The following CSMD3 variants were observed in gnomAD, a reference collection of about 807,000 sequenced individuals.
CSMD3 encodes CUB and sushi domain-containing protein 3.
A neutral mutation model predicts 435.2 loss-of-function variants in CSMD3; 177 were observed. The ratio of observed to expected loss-of-function variants is 0.41; its 90% CI spans 0.36 to 0.46. CSMD3 has a LOEUF of 0.46. CSMD3 is among the 20% of genes least tolerant of loss of function. The pLI is 0.34. For synonymous variants in CSMD3, 1,656 were observed against 1,520.5 expected (o/e 1.09, Z -2.07); for missense variants, 4,265 against 4,504.6 (o/e 0.95, Z 1.52).
intron 6 of CSMD3, among the ~76,000 whole-genome samples, chr8:112,987,907 C>CT (rs2085312880): frequency 6.6e-6 from 1 of 151,636 alleles, no homozygotes; most frequent in African/African-American, 2.4e-5. Context: ...TGAAAGTACA[C>CT]CAAATGAAAA....
intron 13 of CSMD3, among the ~76,000 whole-genome samples, chr8:112,718,167 G>A (rs1357033096): frequency 6.6e-6 from 1 of 152,006 alleles, no homozygotes; most frequent in Non-Finnish European, 1.5e-5. Context: ...GCTCATGGTG[G>A]TTCTGGCTAT....
chr8:113,364,240 C>G (rs1272452815), intron 1 of CSMD3, among the ~76,000 whole-genome samples: 1 of 146,164 alleles, frequency 6.8e-6, no homozygotes, highest in Non-Finnish European at 1.5e-5. Flanking sequence ...AGGAATTAGA[C>G]TAAATTTTTT....
chr8:112,890,354 T>C (rs538172787), intron 10 of CSMD3, among the ~76,000 whole-genome samples: 16 of 151,866 alleles, frequency 1.1e-4, no homozygotes, highest in African/African-American at 3.9e-4. Flanking sequence ...AGTCTTGATA[T>C]GAGGACAGCC....
intron 22 of CSMD3, among the ~76,000 whole-genome samples, chr8:112,596,062 C>T (rs1831682457): frequency 6.6e-6 from 1 of 151,008 alleles, no homozygotes; most frequent in African/African-American, 2.4e-5. Flanking sequence ...TTAAAAGACA[C>T]AGACTGGCAA....
At chr8:112,931,492 TA>T (rs34728073) in intron 9 of CSMD3, among the ~76,000 whole-genome samples, 105 of 136,740 alleles carry the variant, frequency 7.7e-4, no homozygotes, top group Middle Eastern at 3.9e-3. Flanking sequence ...ATAAAACTAC[TA>T]AAAAAAAAAA....
intron 3 of CSMD3, among the ~76,000 whole-genome samples, chr8:113,195,292 A>G (rs1173662079): frequency 6.8e-6 from 1 of 146,250 alleles, no homozygotes; most frequent in African/African-American, 2.5e-5. Flanking sequence ...AATACATGTG[A>G]TGTTGAAGTC....
At chr8:113,100,160 A>G (rs192750297) in intron 4 of CSMD3, among the ~76,000 whole-genome samples, 3 of 152,248 alleles carry the variant, frequency 2.0e-5, no homozygotes, top group African/African-American at 7.2e-5. Flanking sequence ...ATTTACCTCC[A>G]TAATCTATAA....
intron 1 of CSMD3, among the ~76,000 whole-genome samples, chr8:113,375,953 T>C (rs1329417662): frequency 1.3e-5 from 2 of 152,188 alleles, no homozygotes; most frequent in Non-Finnish European, 1.5e-5. Flanking sequence ...TAGTCAAAAA[T>C]GGTGCTGTGT....
chr8:112,752,734 T>C (rs1357059003), intron 13 of CSMD3, among the ~76,000 whole-genome samples: 5 of 152,192 alleles, frequency 3.3e-5, no homozygotes, highest in Non-Finnish European at 7.3e-5. Context: ...TTAGTCAATA[T>C]ATATTCTCTA....
Position 112,472,523 on chromosome 8 carries a change from A to C in CSMD3, c.5395+68T>G, listed in dbSNP as rs1055858879. ...CACGTATTTTCATTTAAAATTTTTG[A>C]ATAGCATGTAGTGAAAAATAAAGCA... On this transcript the variant is annotated intron_variant, in intron 32 of 70. Transcript: ENST00000297405. The C allele has an allele frequency of 9.4e-6, 8 of 854,054 alleles. No homozygotes were observed. In the Admixed American group the frequency reaches 1.4e-4, roughly 15 times the overall value. 52.9% of individuals were successfully genotyped at this position (854,054 alleles called of 1,614,324 possible). A position where few individuals can be genotyped will look rare whatever the true frequency, so the allele number is the denominator to read the frequency against.
intron 1 of CSMD3, among the ~76,000 whole-genome samples, chr8:113,406,298 T>A (rs1049491110): frequency 2.0e-5 from 3 of 151,854 alleles, no homozygotes; most frequent in Non-Finnish European, 4.4e-5. Flanking sequence ...ATAAGGGCTG[T>A]GATAGATTTG....
At chr8:112,490,904 A>G (rs1820623818) in intron 31 of CSMD3, among the ~76,000 whole-genome samples, 2 of 152,132 alleles carry the variant, frequency 1.3e-5, no homozygotes, top group African/African-American at 4.8e-5. Context: ...CTTTGGAACA[A>G]TTAATCCCAA....
At chr8:112,337,434 G>T (rs975729240) in intron 43 of CSMD3, 109 bp downstream of exon 43, 2 of 836,324 alleles carry the variant, frequency 2.4e-6, no homozygotes, top group African/African-American at 1.7e-5. Context: ...TCAGCTGAGA[G>T]ACTATATATT....
At chr8:112,864,407 C>T (rs1157895422) in intron 10 of CSMD3, among the ~76,000 whole-genome samples, 1 of 151,904 alleles carries the variant, frequency 6.6e-6, no homozygotes, top group East Asian at 1.9e-4. Flanking sequence ...CGCCACCATG[C>T]CCGGTTCATT....
At chr8:113,357,239 T>C (rs908093235) in intron 1 of CSMD3, among the ~76,000 whole-genome samples, 4 of 152,222 alleles carry the variant, frequency 2.6e-5, no homozygotes, top group African/African-American at 7.2e-5. Flanking sequence ...TTATATTGTT[T>C]AGCCCTTTCA....
chr8:112,994,033 G>A (rs1366358821), intron 6 of CSMD3, among the ~76,000 whole-genome samples: 1 of 151,764 alleles, frequency 6.6e-6, no homozygotes, highest in African/African-American at 2.4e-5. Flanking sequence ...ATGGGTTGTA[G>A]AGAGGCAATA....
intron 9 of CSMD3, among the ~76,000 whole-genome samples, chr8:112,935,091 G>A (rs1351966516): frequency 6.6e-6 from 1 of 151,958 alleles, no homozygotes; most frequent in Non-Finnish European, 1.5e-5. Context: ...GTGAGATAAG[G>A]GTCTAGTTTC....
intron 49 of CSMD3, among the ~76,000 whole-genome samples, chr8:112,312,272 G>T (rs1407743787): frequency 1.3e-5 from 2 of 151,928 alleles, no homozygotes; most frequent in Non-Finnish European, 2.9e-5. Flanking sequence ...GGTTTTTTTT[G>T]AGAAGAAGTT....
chr8:112,304,587 C>A, intron 52 of CSMD3, 134 bp downstream of exon 52: 1 of 703,956 alleles, frequency 1.4e-6, no homozygotes, highest in Non-Finnish European at 2.5e-6. Context: ...AATTTAAAAA[C>A]GTAACGAGAA....
Sources: allele counts gnomAD v4.1 joint callset (sites outside exome capture counted in the v4.1 genomes callset), GRCh38; gene constraint gnomAD v4.1.1; transcripts MANE v1.5; gene names NCBI Gene and HGNC (gene_info 2026-07-23, HGNC 2026-07-21).